The following VWA7 variants were observed in gnomAD, a reference collection of about 807,000 sequenced individuals.
VWA7 encodes the protein von Willebrand factor A domain-containing protein 7.
A neutral mutation model predicts 83.1 loss-of-function variants in VWA7; 66 were observed. The observed-to-expected ratio is 0.79, with a 90% CI of 0.65 to 0.98. The LOEUF is 0.98. VWA7 is among the 50% of genes least tolerant of loss of function. The pLI, the probability that VWA7 is intolerant of heterozygous loss-of-function variation, is 0.00. For synonymous variants in VWA7, 424 were observed against 488.5 expected, an observed-to-expected ratio of 0.87 and a Z score of 1.74; for missense variants, 1,080 against 1,160.2, an observed-to-expected ratio of 0.93 and a Z score of 1.00.
intron 5 of VWA7, among the ~76,000 whole-genome samples, chr6:31,774,008 G>T (rs557033464): frequency 6.6e-6 from 1 of 151,690 alleles, no homozygotes; most frequent in Non-Finnish European, 1.5e-5. Context: ...TACAAAATTA[G>T]CCGGGCGTGG....
chr6:31,774,154 C>CA (rs10581485), intron 5 of VWA7, among the ~76,000 whole-genome samples: 16,601 of 61,454 alleles, frequency 0.27, 1,627 homozygotes, highest in Admixed American at 0.33. Flanking sequence ...AACTCCATCT[C>CA]AAAAAAAAAA....
Position 31,772,990 on chromosome 6 carries a change from G to GTCCA in VWA7, c.1050_1051insTGGA (p.Pro351TrpfsTer12). On this transcript the variant is annotated frameshift_variant, in exon 7 of 17. Coordinates refer to ENST00000375688, the MANE Select transcript of VWA7 (RefSeq NM_025258.3). LOFTEE classifies it high-confidence loss of function. The stretch of plus-strand genomic sequence containing the variant: ...AAAGGCACCAGGACATAGTGGACAG[G>GTCCA]CTCCATGGGGCTGCCTCTCCGCTGC... 1 of 1,612,488 alleles carries GTCCA rather than the reference G, an allele frequency of 6.2e-7. No individual in the cohort carries two copies. Among genetic ancestry groups the GTCCA allele is most frequent in the South Asian group, 1.1e-5 (1 of 91,044 alleles).
chr6:31,767,079 A>G (rs1446668532), intron 13 of VWA7, 79 bp downstream of exon 13: 2 of 334,672 alleles, frequency 6.0e-6, no homozygotes, highest in Non-Finnish European at 1.1e-5. Context: ...TATATAATAT[A>G]TATATTATAT....
Position 31,772,983 on chromosome 6 carries a change from T to G in VWA7, c.1058A>C (p.His353Pro). Residue 353 changes from histidine to proline, a missense_variant, in exon 7 of 17, where the codon CAC (histidine) becomes CCC (proline). His to Pro is a moderately conservative substitution (Grantham distance 77, BLOSUM62 -2). Transcript: ENST00000375688. ...GTCATGAAAAGGCACCAGGACATAG[T>G]GGACAGGCTCCATGGGGCTGCCTCT... The part of the protein sequence containing the change: ...QRRGSPMEPV[H>P]YVLVPFHDPG... 2 of 1,554,348 alleles carry G rather than the reference T, an allele frequency of 1.3e-6. No individual in the cohort carries two copies. The highest frequency in any genetic ancestry group is 1.7e-5 in the Admixed American group (1 of 59,058).
rs1242446098 is a variant in VWA7 at position 31,767,093 on chromosome 6, A to T, written c.1882+65T>A. ...ATATATAATATATATATTATATATTATATATTTTATATATATATATAAAAC... is the reference window on the plus strand; with the variant it reads ...ATATATAATATATATATTATATATTTTATATTTTATATATATATATAAAAC... On this transcript the variant is annotated intron_variant, in intron 13 of 16. Coordinates refer to ENST00000375688, the MANE Select transcript of VWA7 (RefSeq NM_025258.3). 19 of 352,332 alleles carry T rather than the reference A, an allele frequency of 5.4e-5. No homozygotes were observed. The Middle Eastern group carries it at 2.5e-3, about 47-fold the overall frequency. The allele number at this position is 352,332 out of a possible 1,614,324, so 21.8% of individuals were successfully genotyped here.
Position 31,766,060 on chromosome 6 carries a change from G to A in VWA7, c.2325-3C>T. Reference sequence around the variant, plus strand: ...ACTCATTCAGTTCCAGGTGAGCCCTGGAGAGAGGATATAGGCGTCGCTAAA... The same window carrying A: ...ACTCATTCAGTTCCAGGTGAGCCCTAGAGAGAGGATATAGGCGTCGCTAAA... On this transcript the variant is annotated splice_region_variant and splice_polypyrimidine_tract_variant and intron_variant, in intron 15 of 16. Transcript: ENST00000375688. This position sits in a 1 kb window ranked among gnomAD's most constrained non-coding sequence, Gnocchi z 4.9. 1 of 1,612,960 alleles carries A rather than the reference G, an allele frequency of 6.2e-7. No homozygotes were observed. Among genetic ancestry groups the A allele is most frequent in the Non-Finnish European group, 8.5e-7 (1 of 1,180,030 alleles).
intron 7 of VWA7, among the ~76,000 whole-genome samples, chr6:31,770,571 C>CA (rs9281576): frequency 0.32 from 26,007 of 82,036 alleles, 4,141 homozygotes; most frequent in Middle Eastern, 0.44. Context: ...GACTCCATCT[C>CA]AAAAAAAAAA....
chr6:31,775,375 G>A lies in VWA7; in HGVS notation c.568C>T (p.His190Tyr), dbSNP rs898544460. The change falls in exon 4 of 17, where the codon CAC becomes TAC. Residue 190 changes from histidine to tyrosine, a missense_variant. By Grantham distance (83) the His-to-Tyr change is moderately conservative (BLOSUM62 2). Coordinates refer to ENST00000375688, the MANE Select transcript of VWA7 (RefSeq NM_025258.3). The surrounding 1 kb of genome is among the most constrained non-coding windows in gnomAD (Gnocchi z 5.9). ...AGCTCCTGCCTTGGCCAGAGGAGGTGAGGGTGTGGCTGCTGCTCGCCCAGC... is the reference window on the plus strand; with the variant it reads ...AGCTCCTGCCTTGGCCAGAGGAGGTAAGGGTGTGGCTGCTGCTCGCCCAGC... ...VELGEQQPHP[H>Y]LLWPRQELQN... 4 of 1,612,612 alleles carry A rather than the reference G, an allele frequency of 2.5e-6. No homozygotes were observed. Among genetic ancestry groups the A allele is most frequent in the Non-Finnish European group, 3.4e-6 (4 of 1,179,884 alleles).
At chr6:31,774,444 G>A (rs1812495729) in intron 5 of VWA7, 72 bp downstream of exon 5, 1 of 1,400,596 alleles carries the variant, frequency 7.1e-7, no homozygotes, top group South Asian at 1.2e-5. Context: ...AGGCATACGG[G>A]CCTACAGGAC....
chr6:31,769,063 G>GTGC lies in VWA7; in HGVS notation c.1455_1457dup (p.Gln485dup). 1 of 1,613,062 alleles carries GTGC rather than the reference G, an allele frequency of 6.2e-7. No individual in the cohort carries two copies. On this transcript the variant is annotated inframe_insertion, in exon 10 of 17. Coordinates refer to ENST00000375688, the MANE Select transcript of VWA7 (RefSeq NM_025258.3). The surrounding 1 kb of genome is among the most constrained non-coding windows in gnomAD (Gnocchi z 4.5). ...CAACAATGGCTGCCACGTCTCGAAT[G>GTGC]TGCTGGTCTTTGGTGAAGATCACCT...
Position 31,766,138 on chromosome 6 carries a change from G to C in VWA7, c.2325-81C>G. 1 of 1,594,926 alleles carries C rather than the reference G, an allele frequency of 6.3e-7. No individual in the cohort carries two copies. Among genetic ancestry groups the C allele is most frequent in the Non-Finnish European group, 8.6e-7 (1 of 1,169,508 alleles). Reference sequence around the variant, plus strand: ...GGGACGCCTGCAGGGGCACGGGAGCGGAGAGGAGGATTCTGAGGGCCAGTC... The same window carrying C: ...GGGACGCCTGCAGGGGCACGGGAGCCGAGAGGAGGATTCTGAGGGCCAGTC... On this transcript the variant is annotated intron_variant, in intron 15 of 16. Transcript: ENST00000375688. This position sits in a 1 kb window ranked among gnomAD's most constrained non-coding sequence, Gnocchi z 4.9.
rs367544616 is a variant in VWA7, at chr6:31,775,950, A to G, written c.513+14T>C. ...TGAAGACCCCTCTGACCATCAACCC[A>G]ACCCTGTTCTCACCTGCAGGGCATG... is the stretch of plus-strand genomic sequence containing the variant. On this transcript the variant is annotated intron_variant, in intron 3 of 16. Coordinates refer to ENST00000375688, the MANE Select transcript of VWA7 (RefSeq NM_025258.3). This position sits in a 1 kb window ranked among gnomAD's most constrained non-coding sequence, Gnocchi z 5.9. 21 of 1,600,000 alleles carry G rather than the reference A, an allele frequency of 1.3e-5. No individual in the cohort carries two copies. The highest frequency in any genetic ancestry group is 1.7e-5 in the Non-Finnish European group (20 of 1,172,514).
At position 31,776,819 on chromosome 6, in the gene VWA7, G is replaced by C. The variant is rs958482179; in HGVS notation, c.-15-25C>G. 7.8e-7 allele frequency: 1 copy of C among 1,284,752 alleles called. No individual in the cohort carries two copies. The highest frequency in any genetic ancestry group is 1.0e-6 in the Non-Finnish European group (1 of 980,000). 79.6% of individuals were successfully genotyped at this position (1,284,752 alleles called of 1,614,324 possible). A position where few individuals can be genotyped will look rare whatever the true frequency, so the allele number is the denominator to read the frequency against. ...CCTGGGAGACAGAAGGCTCTCAAGGGAGGAGGAAGCAGCCGCGATTCCAGG... is the reference window on the plus strand; with the variant it reads ...CCTGGGAGACAGAAGGCTCTCAAGGCAGGAGGAAGCAGCCGCGATTCCAGG... On this transcript the variant is annotated intron_variant, in intron 1 of 16. Transcript: ENST00000375688. The surrounding 1 kb of genome is among the most constrained non-coding windows in gnomAD (Gnocchi z 6.2).
chr6:31,768,994 G>A, intron 10 of VWA7, 24 bp downstream of exon 10: 1 of 1,595,342 alleles, frequency 6.3e-7, no homozygotes, highest in Non-Finnish European at 8.5e-7. Context: ...CAGTTCCTAA[G>A]TGAGGGCCCT....
chr6:31,774,568 G>A lies in VWA7; in HGVS notation c.669C>T (p.Gly223=), dbSNP rs746257415. 30 of 1,612,768 alleles carry A rather than the reference G, an allele frequency of 1.9e-5. No individual in the cohort carries two copies. Among genetic ancestry groups the A allele is most frequent in the Non-Finnish European group, 9.3e-6 (11 of 1,179,976 alleles). ...EELSCPRNWL[G]FTLLTSGYFG... Reference sequence around the variant, plus strand: ...AGTAGCCAGAGGTGAGGAGTGTGAAGCCCAGCCAATTCCTGGGGCAGCTCA... The same window carrying A: ...AGTAGCCAGAGGTGAGGAGTGTGAAACCCAGCCAATTCCTGGGGCAGCTCA... Residue 223 remains glycine (G), a synonymous_variant, in exon 5 of 17, where the codon GGC becomes GGT. Transcript: ENST00000375688.
chr6:31,772,347 T>C (rs1812259452), intron 7 of VWA7, among the ~76,000 whole-genome samples: 1 of 151,884 alleles, frequency 6.6e-6, no homozygotes, highest in African/African-American at 2.4e-5. Context: ...GACCTGTGTT[T>C]CTCTGTGTTG....
rs9279415 is a variant in VWA7 at position 31,772,584 on chromosome 6, C to CTTTTTTTTTTTTTTTTTTTTTTTTT, written c.1087+345_1087+369dup. On this transcript the variant is annotated intron_variant, in intron 7 of 16. Coordinates refer to ENST00000375688, the MANE Select transcript of VWA7 (RefSeq NM_025258.3). Reference sequence around the variant, plus strand: ...CTTTTCTTTTTTTTTTCTTTCTTTTCTTTTTTTTTTTTTTTTTTTTTTTTT... The same window carrying CTTTTTTTTTTTTTTTTTTTTTTTTT: ...CTTTTCTTTTTTTTTTCTTTCTTTTCTTTTTTTTTTTTTTTTTTTTTTTTTTTTTTTTTTTTTTTTTTTTTTTTTT... Among the ~76,000 whole-genome samples the CTTTTTTTTTTTTTTTTTTTTTTTTT allele has an allele frequency of 5.2e-3, 181 of 35,094 alleles. 7 individuals are homozygous for CTTTTTTTTTTTTTTTTTTTTTTTTT. Among genetic ancestry groups the CTTTTTTTTTTTTTTTTTTTTTTTTT allele is most frequent in the Non-Finnish European group, 5.8e-3 (123 of 21,312 alleles). 23.0% of individuals were successfully genotyped at this position (35,094 alleles called of 152,430 possible).
At position 31,766,477 on chromosome 6, in the gene VWA7, G is replaced by C. The variant is rs1286810297; in HGVS notation, c.2170C>G (p.Pro724Ala). 1.3e-6 allele frequency: 2 copies of C among 1,598,542 alleles called. No homozygotes were observed. The highest frequency in any genetic ancestry group is 1.7e-6 in the Non-Finnish European group (2 of 1,171,828). The change falls in exon 14 of 17, where the codon CCT (proline) becomes GCT (alanine). Residue 724 changes from proline (P) to alanine (A), a missense_variant. Physicochemically the swap from Pro to Ala is conservative, Grantham distance 27. Coordinates refer to ENST00000375688, the MANE Select transcript of VWA7 (RefSeq NM_025258.3). The surrounding 1 kb of genome is among the most constrained non-coding windows in gnomAD (Gnocchi z 4.9). ...TGGCGTCTCACCTCCAGAAGGACAGGGACTACAGTGCTAGGCTGAGGGGCA... is the reference window on the plus strand; with the variant it reads ...TGGCGTCTCACCTCCAGAAGGACAGCGACTACAGTGCTAGGCTGAGGGGCA... ...RAAPQPSTVV[P>A]VLLELSGPSG...
intron 13 of VWA7, 73 bp downstream of exon 13, chr6:31,767,083 ATT>A (rs1183043112): frequency 3.0e-6 from 1 of 334,000 alleles, no homozygotes; most frequent in Non-Finnish European, 5.4e-6. Flanking sequence ...TAATATATAT[ATT>A]ATATATTATA....
Sources: gnomAD v4.1 joint callset for allele counts (sites outside exome capture counted in the v4.1 genomes callset) on GRCh38, gnomAD v4.1.1 for gene constraint, Gnocchi (gnomAD v3.1) non-coding constraint, MANE v1.5 for transcripts, NCBI Gene and HGNC (gene_info 2026-07-23, HGNC 2026-07-21) for gene names.